CCDC198: variants seen among roughly 807,000 people sequenced by gnomAD.
The protein encoded by CCDC198 is coiled-coil domain containing 198.
A neutral mutation model predicts 35.6 loss-of-function variants in CCDC198; 18 were observed. That is an observed-to-expected ratio of 0.51 (90% CI 0.35 to 0.75). The LOEUF (loss-of-function observed/expected upper bound fraction) is 0.75, where lower values mean the gene tolerates loss of function less well. CCDC198 is among the 30% of genes least tolerant of loss of function. The pLI, the probability that CCDC198 is intolerant of heterozygous loss-of-function variation, is 0.01. For synonymous variants in CCDC198, 119 were observed against 113.4 expected, an observed-to-expected ratio of 1.05 and a Z score of -0.31; for missense variants, 365 against 343.7, an observed-to-expected ratio of 1.06 and a Z score of -0.49.
chr14:57,483,391 C>T (rs1278529957), intron 2 of CCDC198: 3 of 501,170 alleles, frequency 6.0e-6, no homozygotes, highest in Non-Finnish European at 1.1e-5. Context: ...AAGTGTTGGT[C>T]AGAGAGTTAG....
chr14:57,490,825 C>T, intron 2 of CCDC198, 164 bp downstream of exon 2: 1 of 681,124 alleles, frequency 1.5e-6, no homozygotes, highest in Non-Finnish European at 2.3e-6. Flanking sequence ...TAAAGGAAAT[C>T]TTAAAGTAAT....
In CCDC198 at chr14:57,491,028, TTC is replaced by T. The variant is rs776173609; in HGVS notation, c.265_266del (p.Glu89AsnfsTer5). The T allele has an allele frequency of 4.5e-5, 73 of 1,610,222 alleles. No homozygotes were observed. In the Middle Eastern group the frequency reaches 6.6e-4, roughly 15 times the overall value. Reference protein sequence around the residue: ...MYFDIPLEHRETSIIKRHPPQ... With the variant: ...MYFDIPLEHRXTSIIKRHPPQ... Reference sequence around the variant, plus strand: ...GTGGATGCCTTTTAATAATACTTGTTTCTCTGTGTTCCAGTGGGATGTCAAAA... The same window carrying T: ...GTGGATGCCTTTTAATAATACTTGTTTCTGTGTTCCAGTGGGATGTCAAAA... On this transcript the variant is annotated frameshift_variant, in exon 2 of 6. Transcript: ENST00000216445. LOFTEE classifies it high-confidence loss of function.
Position 57,493,610 on chromosome 14 carries a change from T to A in CCDC198, c.106A>T (p.Asn36Tyr), listed in dbSNP as rs555016984. 3.9e-5 allele frequency: 63 copies of A among 1,613,980 alleles called. No individual in the cohort carries two copies. Among genetic ancestry groups the A allele is most frequent in the Middle Eastern group, 1.6e-4 (1 of 6,062 alleles). Residue 36 changes from asparagine (N) to tyrosine (Y), a missense_variant, in exon 1 of 6, where the codon AAT (asparagine) becomes TAT (tyrosine). By Grantham distance (143) the Asn-to-Tyr change is moderately radical (BLOSUM62 -2). Coordinates refer to ENST00000216445, the MANE Select transcript of CCDC198 (RefSeq NM_018168.4). ...GAAGTCTTTTCTTCCAAATTCTGATTGAATGCAAAGTCCACACGGCCAGCC... is the reference window on the plus strand; with the variant it reads ...GAAGTCTTTTCTTCCAAATTCTGATAGAATGCAAAGTCCACACGGCCAGCC... ...PSAGRVDFAF[N>Y]QNLEEKTSYS...
intron 2 of CCDC198, among the ~76,000 whole-genome samples, chr14:57,488,007 C>T (rs1016835778): frequency 2.0e-5 from 3 of 152,168 alleles, no homozygotes; most frequent in Non-Finnish European, 4.4e-5. Flanking sequence ...TATCCTCTGG[C>T]CATAGCTCAT....
At position 57,469,323 on chromosome 14, in the gene CCDC198, A is replaced by C. The variant is rs79706357; in HGVS notation, c.*2032T>G. On this transcript the variant is annotated 3_prime_UTR_variant, in exon 6 of 6. Transcript: ENST00000216445. ...CATTCATTAATTCAGCAAACATTTA[A>C]TGATAAACTCTTTGCCAGCTGTCCT... is the stretch of plus-strand genomic sequence containing the variant. The C allele has an allele frequency of 5.1e-4, 77 of 152,330 alleles. No homozygotes were observed. Among genetic ancestry groups the C allele is most frequent in the African/African-American group, 1.8e-3 (76 of 41,568 alleles). 9.4% of individuals were successfully genotyped at this position (152,330 alleles called of 1,614,324 possible).
Position 57,481,342 on chromosome 14 carries a change from C to T in CCDC198, c.495+217G>A, listed in dbSNP as rs537083417. Among the ~76,000 whole-genome samples, 3 of 152,336 alleles carry T rather than the reference C, an allele frequency of 2.0e-5. No individual in the cohort carries two copies. The South Asian group carries it at 6.2e-4, about 32-fold the overall frequency. ...TTTTTAAAAATGGAGACTTGCGACACAGATACACAGATACAAACTTAGAAA... is the reference window on the plus strand; with the variant it reads ...TTTTTAAAAATGGAGACTTGCGACATAGATACACAGATACAAACTTAGAAA... On this transcript the variant is annotated intron_variant, in intron 4 of 5. Transcript: ENST00000216445.
rs376507183 is a variant in CCDC198, at chr14:57,472,604, A to G, written c.656-1014T>C. On this transcript the variant is annotated intron_variant, in intron 5 of 5. Transcript: ENST00000216445. ...ACCTGTTGCAGCCTTTTAGAAAGAG[A>G]TGTCTAAACTGTTCTCCAGACCCAT... Among the ~76,000 whole-genome samples the G allele has an allele frequency of 1.3e-3, 192 of 152,284 alleles. 3 individuals carry two copies. Among genetic ancestry groups the G allele is most frequent in the African/African-American group, 4.3e-3 (177 of 41,568 alleles).
intron 5 of CCDC198, among the ~76,000 whole-genome samples, chr14:57,478,024 C>T (rs2067061189): frequency 6.6e-6 from 1 of 152,142 alleles, no homozygotes; most frequent in South Asian, 2.1e-4. Flanking sequence ...CTGCTCATAA[C>T]TGAGCTTTTG....
chr14:57,481,059 A>C (rs993830917), intron 4 of CCDC198, among the ~76,000 whole-genome samples: 6 of 152,328 alleles, frequency 3.9e-5, no homozygotes, highest in East Asian at 1.9e-4. Context: ...GCAGTAACTA[A>C]AGGCTCATTT....
At chr14:57,478,761 A>G (rs1382764709) in intron 5 of CCDC198, 21 of 1,099,226 alleles carry the variant, frequency 1.9e-5, no homozygotes, top group Non-Finnish European at 2.2e-5. Context: ...TATAGGTTAA[A>G]TAGATGCCCC....
In CCDC198 at chr14:57,493,729, C is replaced by T; in HGVS notation, c.-14G>A. 1 of 1,606,466 alleles carries T rather than the reference C, an allele frequency of 6.2e-7. No homozygotes were observed. Among genetic ancestry groups the T allele is most frequent in the Non-Finnish European group, 8.5e-7 (1 of 1,174,558 alleles). On this transcript the variant is annotated 5_prime_UTR_variant, in exon 1 of 6. The change abolishes an upstream ATG in the 5' untranslated region. Transcript: ENST00000216445. ...ACTCAGGCCCATTTCATGTGAAAGA[C>T]ATTCAGAGGAAAGCTGCGAGGGAAG...
intron 5 of CCDC198, among the ~76,000 whole-genome samples, chr14:57,476,720 G>C (rs557141351): frequency 6.6e-6 from 1 of 152,200 alleles, no homozygotes; most frequent in South Asian, 2.1e-4. Context: ...AACAAGAATG[G>C]GCCAGTATGT....
intron 5 of CCDC198, among the ~76,000 whole-genome samples, chr14:57,472,973 T>C (rs902331341): frequency 6.6e-6 from 1 of 152,254 alleles, no homozygotes; most frequent in African/African-American, 2.4e-5. Context: ...TTTGGCATAG[T>C]TTATGTAAGC....
At chr14:57,484,596 G>A (rs1402283441) in intron 2 of CCDC198, among the ~76,000 whole-genome samples, 1 of 152,196 alleles carries the variant, frequency 6.6e-6, no homozygotes, top group African/African-American at 2.4e-5. Context: ...GTTTTTAAGG[G>A]ACTAAGTTGT....
At chr14:57,484,114 G>A (rs2067276920) in intron 2 of CCDC198, among the ~76,000 whole-genome samples, 1 of 152,226 alleles carries the variant, frequency 6.6e-6, no homozygotes, top group South Asian at 2.1e-4. Flanking sequence ...AACAGGGTGT[G>A]TTAGGGGTTG....
chr14:57,481,658 C>T lies in CCDC198; in HGVS notation c.396G>A (p.Gln132=). Residue 132 remains glutamine (Q), a splice_region_variant and synonymous_variant, in exon 4 of 6, where the codon CAG becomes CAA. Coordinates refer to ENST00000216445, the MANE Select transcript of CCDC198 (RefSeq NM_018168.4). Reference sequence around the variant, plus strand: ...GAGTTTGCATTTTCTTTTCTAGTACCTGCTATGAAAGACAACACACTTGTT... The same window carrying T: ...GAGTTTGCATTTTCTTTTCTAGTACTTGCTATGAAAGACAACACACTTGTT... ...REARTMHKAK[Q]VLEKKMQTPM... is the part of the protein sequence containing the mutation. The T allele has an allele frequency of 4.4e-6, 7 of 1,593,132 alleles. No homozygotes were observed. Among genetic ancestry groups the T allele is most frequent in the Non-Finnish European group, 6.0e-6 (7 of 1,163,262 alleles).
chr14:57,492,591 CA>C (rs2067612350), intron 1 of CCDC198, among the ~76,000 whole-genome samples: 1 of 151,888 alleles, frequency 6.6e-6, no homozygotes, highest in Non-Finnish European at 1.5e-5. Flanking sequence ...AACATAAAAA[CA>C]GGCCATATAG....
At chr14:57,492,629 A>C (rs1343155467) in intron 1 of CCDC198, among the ~76,000 whole-genome samples, 1 of 152,132 alleles carries the variant, frequency 6.6e-6, no homozygotes, top group East Asian at 1.9e-4. Flanking sequence ...TCAATTCTGC[A>C]GACAATAGCC....
In CCDC198 at chr14:57,493,508, C is replaced by T; in HGVS notation, c.208G>A (p.Gly70Arg). ...TTATGTTTACCTGTAGAATATCTTC[C>T]ATACCAGTTTTCTTGTAAAGGTGGC... is the stretch of plus-strand genomic sequence containing the variant. The part of the protein sequence containing the change: ...QLPPLQENWY[G>R]RYSTASRDMY... The change falls in exon 1 of 6, where the codon GGA (glycine) becomes AGA (arginine). Residue 70 changes from glycine (G) to arginine (R), a missense_variant. By Grantham distance (125) the Gly-to-Arg change is moderately radical. Transcript: ENST00000216445. 3.1e-6 allele frequency: 5 copies of T among 1,613,712 alleles called. No individual in the cohort carries two copies. The highest frequency in any genetic ancestry group is 1.1e-5 in the South Asian group (1 of 91,076).
Sources: gnomAD v4.1 joint callset for allele counts (sites outside exome capture counted in the v4.1 genomes callset) on GRCh38, gnomAD v4.1.1 for gene constraint, MANE v1.5 for transcripts, NCBI Gene and HGNC (gene_info 2026-07-23, HGNC 2026-07-21) for gene names.